CDH13: variants seen among roughly 807,000 people sequenced by gnomAD.
The protein encoded by CDH13 is cadherin-13.
A neutral mutation model predicts 63.8 loss-of-function variants in CDH13; 24 were observed. That is an observed-to-expected ratio of 0.38 (90% CI 0.27 to 0.53). CDH13 has a LOEUF of 0.53. Among genes scored for constraint, CDH13 ranks in the 20% least tolerant of loss-of-function variants. The pLI is 0.85. For missense variants in CDH13, 1,049 were observed against 903.1 expected (o/e 1.16, Z -2.07); for synonymous variants, 503 against 355.3 (o/e 1.42, Z -4.67).
chr16:83,080,315 T>C (rs556652162), intron 3 of CDH13, among the ~76,000 whole-genome samples: 36 of 152,268 alleles, frequency 2.4e-4, no homozygotes, highest in Middle Eastern at 3.4e-3. Flanking sequence ...CCCAGGAAAA[T>C]TGAGACACCT....
At chr16:83,308,152 C>T (rs2089921184) in intron 5 of CDH13, among the ~76,000 whole-genome samples, 1 of 152,066 alleles carries the variant, frequency 6.6e-6, no homozygotes. Context: ...CATTACTATT[C>T]AATATATTTT....
chr16:83,176,350 A>G (rs927872758), intron 4 of CDH13, among the ~76,000 whole-genome samples: 5 of 151,606 alleles, frequency 3.3e-5, no homozygotes, highest in African/African-American at 1.2e-4. Flanking sequence ...TCTCTTCTAA[A>G]AATACAAAAA....
chr16:83,471,862 T>C (rs1003369269), intron 6 of CDH13, among the ~76,000 whole-genome samples: 1 of 152,212 alleles, frequency 6.6e-6, no homozygotes, highest in Non-Finnish European at 1.5e-5. Context: ...GACCTTGGGA[T>C]ATTGTTGAGG....
chr16:82,775,636 G>C (rs1002261877), intron 1 of CDH13, among the ~76,000 whole-genome samples: 3 of 152,242 alleles, frequency 2.0e-5, no homozygotes, highest in Non-Finnish European at 2.9e-5. Flanking sequence ...ATGTACCCAG[G>C]CCTCTCTAAC....
Position 83,256,925 on chromosome 16 carries a change from A to G in CDH13, c.636+39428A>G, listed in dbSNP as rs566415869. Reference sequence around the variant, plus strand: ...CCCTGGCTTTCCCTCTCTCCTACAAATATTAGAATTTGTTGCTCGCCTGCT... The same window carrying G: ...CCCTGGCTTTCCCTCTCTCCTACAAGTATTAGAATTTGTTGCTCGCCTGCT... On this transcript the variant is annotated intron_variant, in intron 5 of 13. Coordinates refer to ENST00000567109, the MANE Select transcript of CDH13 (RefSeq NM_001257.5). 8.6e-5 allele frequency among the ~76,000 whole-genome samples: 13 copies of G among 151,664 alleles called. No individual in the cohort carries two copies. In the South Asian group the frequency reaches 2.7e-3, roughly 32 times the overall value.
intron 1 of CDH13, among the ~76,000 whole-genome samples, chr16:82,700,425 A>G (rs1273727601): frequency 6.6e-6 from 1 of 152,200 alleles, no homozygotes; most frequent in Non-Finnish European, 1.5e-5. Flanking sequence ...GTTACCGTGT[A>G]TGTGTATAAT....
intron 6 of CDH13, among the ~76,000 whole-genome samples, chr16:83,370,804 G>C (rs1369797686): frequency 1.3e-5 from 2 of 152,106 alleles, no homozygotes; most frequent in South Asian, 2.1e-4. Context: ...ACATGATCTT[G>C]TTCTTTTGTA....
At chr16:83,150,876 C>T (rs1283397451) in intron 4 of CDH13, among the ~76,000 whole-genome samples, 4 of 152,166 alleles carry the variant, frequency 2.6e-5, no homozygotes, top group Non-Finnish European at 5.9e-5. Flanking sequence ...TCCATTATAG[C>T]ATACATTCTG....
chr16:83,174,540 T>A (rs535934419), intron 4 of CDH13, among the ~76,000 whole-genome samples: 5 of 152,026 alleles, frequency 3.3e-5, no homozygotes, highest in Non-Finnish European at 7.4e-5. Flanking sequence ...TATGCTTGTA[T>A]GTAGAAGCTC....
intron 1 of CDH13, among the ~76,000 whole-genome samples, chr16:82,736,647 A>G (rs2033688897): frequency 6.6e-6 from 1 of 152,120 alleles, no homozygotes; most frequent in Non-Finnish European, 1.5e-5. Flanking sequence ...AATCTGTTCA[A>G]GTCTCCCATG....
chr16:83,698,501 C>T (rs1905724552), intron 10 of CDH13, among the ~76,000 whole-genome samples: 1 of 152,208 alleles, frequency 6.6e-6, no homozygotes, highest in Non-Finnish European at 1.5e-5. Flanking sequence ...GCTCTCAAGA[C>T]ACTGCTTTCT....
At chr16:82,654,118 G>A (rs367810144) in intron 1 of CDH13, among the ~76,000 whole-genome samples, 23 of 152,044 alleles carry the variant, frequency 1.5e-4, no homozygotes, top group Non-Finnish European at 2.4e-4. Context: ...ATCTATTTCC[G>A]GCCTACACTG....
At chr16:83,621,444 C>G (rs997540605) in intron 8 of CDH13, among the ~76,000 whole-genome samples, 6 of 141,006 alleles carry the variant, frequency 4.3e-5, no homozygotes, top group Admixed American at 7.3e-5. Context: ...CTTCAACTTA[C>G]TGCTGGCCCT....
intron 2 of CDH13, among the ~76,000 whole-genome samples, chr16:82,948,320 C>T (rs1356141571): frequency 6.6e-6 from 1 of 152,124 alleles, no homozygotes; most frequent in Admixed American, 6.5e-5. Flanking sequence ...AAATTGTCTG[C>T]AAATACATTA....
At position 82,923,374 on chromosome 16, in the gene CDH13, A is replaced by G. The variant is rs182581143; in HGVS notation, c.157+64901A>G. Reference sequence around the variant, plus strand: ...GGTTTATAGTAAGGGTTCAGTACATAAGCATATTTACTGCTGTTATTGTTC... The same window carrying G: ...GGTTTATAGTAAGGGTTCAGTACATGAGCATATTTACTGCTGTTATTGTTC... On this transcript the variant is annotated intron_variant, in intron 2 of 13. Coordinates refer to ENST00000567109, the MANE Select transcript of CDH13 (RefSeq NM_001257.5). Among the ~76,000 whole-genome samples, 81 of 152,364 alleles carry G rather than the reference A, an allele frequency of 5.3e-4. 1 individual carries two copies. Among genetic ancestry groups the G allele is most frequent in the African/African-American group, 1.8e-3 (74 of 41,592 alleles).
In CDH13 at chr16:83,560,800, G is replaced by A. The variant is rs1044179257; in HGVS notation, c.961-41654G>A. On this transcript the variant is annotated intron_variant, in intron 7 of 13. Transcript: ENST00000567109. ...TTCCCAAGAGATCACAATGATTGAC[G>A]CAACCTTAATCATATGAGTTGGTTC... is the stretch of plus-strand genomic sequence containing the variant. Among the ~76,000 whole-genome samples the A allele has an allele frequency of 4.9e-5, 7 of 143,976 alleles. No individual in the cohort carries two copies. In the South Asian group the frequency reaches 6.7e-4, roughly 14 times the overall value. 94.5% of individuals were successfully genotyped at this position (143,976 alleles called of 152,430 possible). A position where few individuals can be genotyped will look rare whatever the true frequency, so the allele number is the denominator to read the frequency against.
intron 7 of CDH13, among the ~76,000 whole-genome samples, chr16:83,501,946 C>T (rs766407897): frequency 2.0e-5 from 3 of 152,210 alleles, no homozygotes; most frequent in African/African-American, 7.2e-5. Context: ...TGGCTCAGAG[C>T]TTGGGCTTAG....
At chr16:82,697,739 TTGTGTGTGTGTGTGTGTGTGTGTG>T (rs56791322) in intron 1 of CDH13, among the ~76,000 whole-genome samples, 27 of 146,692 alleles carry the variant, frequency 1.8e-4, no homozygotes, top group Non-Finnish European at 2.2e-4. Flanking sequence ...GGCCGAGGCA[TTGTGTGTGTGTGTGTGTGTGTGTG>T]TGTGTGTGTG....
At chr16:83,080,841 A>C (rs1220642706) in intron 3 of CDH13, among the ~76,000 whole-genome samples, 1 of 144,852 alleles carries the variant, frequency 6.9e-6, no homozygotes, top group Non-Finnish European at 1.5e-5. Flanking sequence ...TAAGGACTCC[A>C]GGCAAGATAG....
Sources: gnomAD v4.1 joint callset for allele counts (sites outside exome capture counted in the v4.1 genomes callset) on GRCh38, gnomAD v4.1.1 for gene constraint, MANE v1.5 for transcripts, NCBI Gene and HGNC (gene_info 2026-07-23, HGNC 2026-07-21) for gene names.